PYHIN1: variants seen among roughly 807,000 people sequenced by gnomAD.
The protein encoded by PYHIN1 is pyrin and HIN domain family member 1, also known as pyrin and HIN domain-containing protein 1.
A neutral mutation model predicts 43.7 loss-of-function variants in PYHIN1; 32 were observed. The observed-to-expected ratio is 0.73, with a 90% CI of 0.55 to 0.98. PYHIN1 has a LOEUF of 0.98. Ranked by LOEUF, PYHIN1 falls within the 50% of genes least tolerant of loss-of-function variation. The pLI is 0.00. For synonymous variants in PYHIN1, 205 were observed against 203.1 expected (o/e 1.01, Z -0.08); for missense variants, 588 against 589.5 (o/e 1.00, Z 0.03).
chr1:158,937,306 G>C, intron 2 of PYHIN1, 131 bp downstream of exon 2: 1 of 976,022 alleles, frequency 1.0e-6, no homozygotes, highest in East Asian at 2.5e-5. Flanking sequence ...TGGCAATGTT[G>C]GTACTTCAGA....
At chr1:158,952,300 C>T (rs572994440) in intron 7 of PYHIN1, among the ~76,000 whole-genome samples, 5 of 151,954 alleles carry the variant, frequency 3.3e-5, no homozygotes, top group South Asian at 4.2e-4. Flanking sequence ...TCCCCGCTGC[C>T]GAGCCTTTCT....
chr1:158,977,767 G>A (rs530777857), downstream of PYHIN1, among the ~76,000 whole-genome samples: 26 of 152,264 alleles, frequency 1.7e-4, no homozygotes, highest in African/African-American at 6.3e-4. Context: ...GGCACAGAAA[G>A]CAAATTTACT....
chr1:158,974,670 T>C (rs895015854), intron 8 of PYHIN1, among the ~76,000 whole-genome samples: 1 of 152,080 alleles, frequency 6.6e-6, no homozygotes, highest in Non-Finnish European at 1.5e-5. Flanking sequence ...ATTACCTATA[T>C]ACAGGAGTTC....
downstream of PYHIN1, among the ~76,000 whole-genome samples, chr1:158,978,475 T>C (rs1404767653): frequency 6.6e-6 from 1 of 152,118 alleles, no homozygotes; most frequent in Non-Finnish European, 1.5e-5. Flanking sequence ...CACAAACTGC[T>C]AAAACATCCT....
At chr1:158,934,661 A>G (rs1271776382) in intron 1 of PYHIN1, among the ~76,000 whole-genome samples, 1 of 152,242 alleles carries the variant, frequency 6.6e-6, no homozygotes, top group Non-Finnish European at 1.5e-5. Flanking sequence ...CCAGGAATTT[A>G]AATATCTAAA....
intron 7 of PYHIN1, among the ~76,000 whole-genome samples, chr1:158,949,155 T>A (rs1207870433): frequency 6.6e-6 from 1 of 152,108 alleles, no homozygotes; most frequent in Non-Finnish European, 1.5e-5. Flanking sequence ...GGGTCTGGGA[T>A]AACCCATCCC....
chr1:158,957,180 C>A (rs1454246182), intron 7 of PYHIN1, among the ~76,000 whole-genome samples: 1 of 140,092 alleles, frequency 7.1e-6, no homozygotes, highest in Non-Finnish European at 1.6e-5. Flanking sequence ...CCATACTGCC[C>A]AAGGTAATTT....
chr1:158,971,139 A>G (rs1186424520), intron 7 of PYHIN1, among the ~76,000 whole-genome samples: 1 of 152,028 alleles, frequency 6.6e-6, no homozygotes, highest in Non-Finnish European at 1.5e-5. Context: ...GATGAGGTGC[A>G]CAAGATGGCT....
the PYHIN1 span, among the ~76,000 whole-genome samples, chr1:158,983,372 C>A: frequency 6.6e-6 from 1 of 151,886 alleles, no homozygotes; most frequent in Non-Finnish European, 1.5e-5. Context: ...TTTATTGAAA[C>A]CTTTTCTGCA....
At chr1:158,984,842 T>A in the PYHIN1 span, among the ~76,000 whole-genome samples, 4 of 152,188 alleles carry the variant, frequency 2.6e-5, no homozygotes, top group Admixed American at 2.0e-4. Flanking sequence ...CAGTGCTGAA[T>A]GCACACATCT....
chr1:158,932,401 G>A (rs1260898449), intron 1 of PYHIN1, among the ~76,000 whole-genome samples: 2 of 152,082 alleles, frequency 1.3e-5, no homozygotes, highest in South Asian at 2.1e-4. Context: ...AAGCCTCAGC[G>A]ACACACAGTT....
intron 7 of PYHIN1, among the ~76,000 whole-genome samples, chr1:158,952,339 A>C: frequency 6.7e-6 from 1 of 149,828 alleles, no homozygotes; most frequent in Non-Finnish European, 1.5e-5. Flanking sequence ...TGGCCGCACA[A>C]CTCTGGCCTC....
Position 158,944,992 on chromosome 1 carries a change from A to G in PYHIN1, c.1309A>G (p.Lys437Glu). 1 of 1,613,860 alleles carries G rather than the reference A, an allele frequency of 6.2e-7. No homozygotes were observed. Among genetic ancestry groups the G allele is most frequent in the Non-Finnish European group, 8.5e-7 (1 of 1,179,832 alleles). Reference sequence around the variant, plus strand: ...CACAACCCTACCTGAAAGCCATCTCAAGACTCCTCAGATGCCACCAACAAC... The same window carrying G: ...CACAACCCTACCTGAAAGCCATCTCGAGACTCCTCAGATGCCACCAACAAC... Reference protein sequence around the residue: ...ASTTLPESHLKTPQMPPTTPS... With the variant: ...ASTTLPESHLETPQMPPTTPS... The change falls in exon 7 of 9, where the codon AAG (lysine) becomes GAG (glutamate). Residue 437 changes from lysine to glutamate, a missense_variant. By Grantham distance (56) the Lys-to-Glu change is moderately conservative (BLOSUM62 1). Transcript: ENST00000368140.
chr1:158,989,138 G>C, the PYHIN1 span, among the ~76,000 whole-genome samples: 1 of 152,306 alleles, frequency 6.6e-6, no homozygotes, highest in South Asian at 2.1e-4. Context: ...TTTTAAAAGA[G>C]ATAACATATT....
chr1:158,937,303 G>A, intron 2 of PYHIN1, 128 bp downstream of exon 2: 1 of 1,016,572 alleles, frequency 9.8e-7, no homozygotes. Flanking sequence ...CCATGGCAAT[G>A]TTGGTACTTC....
the PYHIN1 span, among the ~76,000 whole-genome samples, chr1:158,982,105 G>T: frequency 2.1e-4 from 32 of 152,052 alleles, no homozygotes; most frequent in Non-Finnish European, 1.5e-5. Context: ...TTATTCTGTT[G>T]ATAGTCTAAT....
chr1:158,950,507 G>A (rs2097593), intron 7 of PYHIN1, among the ~76,000 whole-genome samples: 16,896 of 152,068 alleles, frequency 0.11, 1,091 homozygotes, highest in Non-Finnish European at 0.12. Flanking sequence ...AGGACCTGAG[G>A]GTGTGTGGAC....
At position 158,944,865 on chromosome 1, in the gene PYHIN1, A is replaced by G. The variant is rs200847289; in HGVS notation, c.1192-10A>G. The G allele has an allele frequency of 2.0e-6, 3 of 1,532,710 alleles. No individual in the cohort carries two copies. The highest frequency in any genetic ancestry group is 2.6e-6 in the Non-Finnish European group (3 of 1,141,410). The allele number at this position is 1,532,710 out of a possible 1,614,324, so 94.9% of individuals were successfully genotyped here. ...TAAAAAACATTAAACAAAAAAATGAATACTTTCAGATACAGAAAAATACAA... is the reference window on the plus strand; with the variant it reads ...TAAAAAACATTAAACAAAAAAATGAGTACTTTCAGATACAGAAAAATACAA... On this transcript the variant is annotated splice_polypyrimidine_tract_variant and intron_variant, in intron 6 of 8. Coordinates refer to ENST00000368140, the MANE Select transcript of PYHIN1 (RefSeq NM_152501.5).
At position 158,943,991 on chromosome 1, in the gene PYHIN1, G is replaced by T. The variant is rs781197473; in HGVS notation, c.1191+13G>T. ...TAGTTTCATCCAGGTGAGAAATAAA[G>T]AAACAAATATTAGTTTTCCAAAGAT... On this transcript the variant is annotated intron_variant, in intron 6 of 8. Transcript: ENST00000368140. 4 of 1,555,442 alleles carry T rather than the reference G, an allele frequency of 2.6e-6. No individual in the cohort carries two copies. Among genetic ancestry groups the T allele is most frequent in the South Asian group, 2.4e-5 (2 of 82,830 alleles).
Sources: allele counts gnomAD v4.1 joint callset (sites outside exome capture counted in the v4.1 genomes callset), GRCh38; gene constraint gnomAD v4.1.1; transcripts MANE v1.5; gene names NCBI Gene and HGNC (gene_info 2026-07-23, HGNC 2026-07-21).